Variants in NRG1 observed in about 807,000 individuals in gnomAD.
The protein encoded by NRG1 is pro-neuregulin-1, membrane-bound isoform.
Under a neutral mutation model 63.8 loss-of-function variants are expected in NRG1, and 18 were observed. The ratio of observed to expected loss-of-function variants is 0.28; its 90% confidence interval spans 0.19 to 0.42. The LOEUF (loss-of-function observed/expected upper bound fraction) is 0.42. Ranked by LOEUF, NRG1 falls within the 10% of genes least tolerant of loss-of-function variation. NRG1 has a pLI of 1.00. For synonymous variants in NRG1, 302 were observed against 301.3 expected, an observed-to-expected ratio of 1.00 and a Z score of -0.02; for missense variants, 762 against 814.7, an observed-to-expected ratio of 0.94 and a Z score of 0.79.
chr8:32,245,867 T>C (rs2129469977), intron 1 of NRG1, among the ~76,000 whole-genome samples: 1 of 152,258 alleles, frequency 6.6e-6, no homozygotes, highest in East Asian at 1.9e-4. Context: ...CAGATTTACC[T>C]ACAGTATCTA....
At chr8:32,166,657 T>C (rs1475562558) in intron 1 of NRG1, among the ~76,000 whole-genome samples, 1 of 152,196 alleles carries the variant, frequency 6.6e-6, no homozygotes. Flanking sequence ...CCCCTGATGG[T>C]AACAGTGCTA....
At chr8:31,651,276 ATGAT>A (rs1359475563) in intron 1 of NRG1, among the ~76,000 whole-genome samples, 1 of 152,236 alleles carries the variant, frequency 6.6e-6, no homozygotes, top group Non-Finnish European at 1.5e-5. Flanking sequence ...AAAAGCAAAT[ATGAT>A]TGCCTCTGCA....
intron 1 of NRG1, among the ~76,000 whole-genome samples, chr8:31,736,107 T>G (rs1814636165): frequency 6.6e-6 from 1 of 152,118 alleles, no homozygotes; most frequent in African/African-American, 2.4e-5. Context: ...ACCATGACCT[T>G]CAATGCCCTT....
At chr8:31,682,641 C>T (rs913261646) in intron 1 of NRG1, among the ~76,000 whole-genome samples, 3 of 151,610 alleles carry the variant, frequency 2.0e-5, no homozygotes, top group African/African-American at 7.3e-5. Context: ...TTTTTTCAAA[C>T]CAAAATGTTA....
intron 1 of NRG1, among the ~76,000 whole-genome samples, chr8:32,595,610 T>G (rs1843215132): frequency 1.3e-5 from 2 of 152,252 alleles, no homozygotes; most frequent in African/African-American, 4.8e-5. Context: ...AATAATTTTC[T>G]AATCTTGGTT....
chr8:32,521,308 T>C (rs1830320929), intron 1 of NRG1, among the ~76,000 whole-genome samples: 3 of 152,182 alleles, frequency 2.0e-5, no homozygotes, highest in Admixed American at 2.0e-4. Context: ...AAATAGTTGG[T>C]TTTGACAACA....
chr8:31,739,443 G>T (rs1462854817), intron 1 of NRG1, among the ~76,000 whole-genome samples: 1 of 151,864 alleles, frequency 6.6e-6, no homozygotes, highest in East Asian at 1.9e-4. Context: ...AGGTTATTTT[G>T]CTAAGTGGTT....
At chr8:31,875,050 A>T (rs1030476216) in intron 1 of NRG1, among the ~76,000 whole-genome samples, 11 of 152,202 alleles carry the variant, frequency 7.2e-5, no homozygotes, top group Non-Finnish European at 1.3e-4. Context: ...CTTTTCCAGG[A>T]AAACAAAGAG....
At chr8:32,235,666 G>C (rs1847468565) in intron 1 of NRG1, among the ~76,000 whole-genome samples, 1 of 151,886 alleles carries the variant, frequency 6.6e-6, no homozygotes, top group Non-Finnish European at 1.5e-5. Context: ...GGTTCCCCAG[G>C]GCATGAGACT....
At chr8:32,728,758 G>A in intron 6 of NRG1, 1 of 703,778 alleles carries the variant, frequency 1.4e-6, no homozygotes, top group South Asian at 6.4e-5. Context: ...AGGAGTTGAT[G>A]CACCATTAAG....
At chr8:32,107,505 A>AT in intron 1 of NRG1, among the ~76,000 whole-genome samples, 1 of 152,160 alleles carries the variant, frequency 6.6e-6, no homozygotes, top group Non-Finnish European at 1.5e-5. Context: ...TTGTAAATTG[A>AT]TTTTTTGGCT....
At chr8:31,656,175 G>A (rs191752082) in intron 1 of NRG1, among the ~76,000 whole-genome samples, 233 of 152,230 alleles carry the variant, frequency 1.5e-3, no homozygotes, top group African/African-American at 5.5e-3. Flanking sequence ...GGAAGCATAA[G>A]GAACAGCCAC....
chr8:32,369,444 G>T (rs1473300405), intron 1 of NRG1, among the ~76,000 whole-genome samples: 2 of 152,168 alleles, frequency 1.3e-5, no homozygotes, highest in Non-Finnish European at 2.9e-5. Context: ...AAAGTCACTG[G>T]GATACTGTTC....
At chr8:32,533,494 TTAAA>T (rs1284162980) in intron 1 of NRG1, among the ~76,000 whole-genome samples, 1 of 152,072 alleles carries the variant, frequency 6.6e-6, no homozygotes, top group African/African-American at 2.4e-5. Flanking sequence ...TTTTCTTCCT[TTAAA>T]TAATCACAGA....
intron 1 of NRG1, among the ~76,000 whole-genome samples, chr8:32,256,803 C>T (rs916087622): frequency 6.6e-6 from 1 of 152,158 alleles, no homozygotes; most frequent in African/African-American, 2.4e-5. Context: ...CTTAGCAGAA[C>T]TTGAGCACTG....
At chr8:31,849,357 A>G (rs1826997155) in intron 1 of NRG1, among the ~76,000 whole-genome samples, 1 of 152,192 alleles carries the variant, frequency 6.6e-6, no homozygotes, top group South Asian at 2.1e-4. Flanking sequence ...AATTACATTG[A>G]TGTAAATTCA....
chr8:31,878,301 T>G (rs1289039718), intron 1 of NRG1, among the ~76,000 whole-genome samples: 1 of 152,216 alleles, frequency 6.6e-6, no homozygotes, highest in East Asian at 1.9e-4. Flanking sequence ...GACATTATAT[T>G]GATTTTTAAA....
intron 1 of NRG1, among the ~76,000 whole-genome samples, chr8:32,009,713 A>G (rs541076695): frequency 6.6e-6 from 1 of 152,070 alleles, no homozygotes; most frequent in Admixed American, 6.6e-5. Context: ...TTCAGACTAG[A>G]TCTTAGCCAT....
At position 32,668,018 on chromosome 8, in the gene NRG1, G is replaced by C. The variant is rs1804667356; in HGVS notation, c.502+51133G>C. Among the ~76,000 whole-genome samples, 4 of 152,178 alleles carry C rather than the reference G, an allele frequency of 2.6e-5. No individual in the cohort carries two copies. In the South Asian group the frequency reaches 8.3e-4, roughly 32 times the overall value. On this transcript the variant is annotated intron_variant, in intron 5 of 11. Coordinates refer to ENST00000356819, the Ensembl canonical transcript of NRG1. ...ACCTGAGGGCAGGAGTTGGAGACCAGCCTGGCCAAAATGGTGGAACCCCAT... is the reference window on the plus strand; with the variant it reads ...ACCTGAGGGCAGGAGTTGGAGACCACCCTGGCCAAAATGGTGGAACCCCAT...
Sources: gnomAD v4.1 joint callset for allele counts (sites outside exome capture counted in the v4.1 genomes callset) on GRCh38, gnomAD v4.1.1 for gene constraint, MANE v1.5 for transcripts, NCBI Gene and HGNC (gene_info 2026-07-23, HGNC 2026-07-21) for gene names.